INCENP: variants seen among roughly 807,000 people sequenced by gnomAD.
The protein encoded by INCENP is inner centromere protein, also known as binds and activates aurora-B and -C in vivo and in vitro.
Under a neutral mutation model 107.3 loss-of-function variants are expected in INCENP, and 43 were observed. That is an observed-to-expected ratio of 0.40 (90% CI 0.31 to 0.52). INCENP has a LOEUF of 0.52. Ranked by LOEUF, INCENP falls within the 20% of genes least tolerant of loss-of-function variation. INCENP has a pLI of 0.53. For synonymous variants in INCENP, 488 were observed against 494.4 expected, an observed-to-expected ratio of 0.99 and a Z score of 0.17; for missense variants, 1,089 against 1,250.9, an observed-to-expected ratio of 0.87 and a Z score of 1.95.
In INCENP at chr11:62,145,264, C is replaced by T. The variant is rs1352323112; in HGVS notation, c.1811C>T (p.Ala604Val). Residue 604 changes from alanine (A) to valine (V), a missense_variant, in exon 13 of 19, where the codon GCT becomes GTT. Transcript: ENST00000394818. Reference protein sequence around the residue: ...EKKKQIEQKFAQIDEKTEKAK... With the variant: ...EKKKQIEQKFVQIDEKTEKAK... Reference sequence around the variant, plus strand: ...AAGAAGCAGATTGAGCAGAAGTTTGCTCAGATCGACGAGAAGACTGAGAAG... The same window carrying T: ...AAGAAGCAGATTGAGCAGAAGTTTGTTCAGATCGACGAGAAGACTGAGAAG... 6.2e-7 allele frequency: 1 copy of T among 1,614,030 alleles called. No homozygotes were observed. Among genetic ancestry groups the T allele is most frequent in the Non-Finnish European group, 8.5e-7 (1 of 1,180,022 alleles).
chr11:62,145,533 C>T, intron 13 of INCENP, 96 bp from the exon 14 acceptor site: 1 of 1,447,284 alleles, frequency 6.9e-7, no homozygotes, highest in Non-Finnish European at 9.3e-7. Flanking sequence ...GCCAGGTGTG[C>T]AGGGGCAGGT....
chr11:62,132,040 T>C (rs1792939), intron 4 of INCENP, among the ~76,000 whole-genome samples: 80,412 of 152,046 alleles, frequency 0.53, 23,739 homozygotes, highest in Non-Finnish European at 0.68. Flanking sequence ...TCACCCGCCT[T>C]AGCCTCCCAA....
At chr11:62,138,648 G>A in intron 5 of INCENP, 65 bp from the exon 6 acceptor site, 1 of 1,498,496 alleles carries the variant, frequency 6.7e-7, no homozygotes, top group African/African-American at 1.4e-5. Context: ...ATGGTAGAGG[G>A]ACTCCCTAGG....
intron 14 of INCENP, 50 bp from the exon 15 acceptor site, chr11:62,146,608 C>G (rs1350139522): frequency 6.5e-7 from 1 of 1,546,034 alleles, no homozygotes; most frequent in Admixed American, 2.0e-5. Flanking sequence ...GCTGTCCTGC[C>G]TCTCTGGCCT....
At chr11:62,134,511 A>G (rs1051510964) in intron 4 of INCENP, among the ~76,000 whole-genome samples, 15 of 151,926 alleles carry the variant, frequency 9.9e-5, no homozygotes, top group African/African-American at 3.6e-4. Flanking sequence ...TAATATTTTT[A>G]TATGAATATT....
At chr11:62,145,131 C>T in intron 12 of INCENP, 38 bp from the exon 13 acceptor site, 1 of 1,614,062 alleles carries the variant, frequency 6.2e-7, no homozygotes, top group Non-Finnish European at 8.5e-7. Flanking sequence ...CCATCCCAGC[C>T]TTGGTGGGGC....
Position 62,146,788 on chromosome 11 carries a change from G to C in INCENP, c.2090G>C (p.Arg697Pro). ...GAGCAGGAGCGGCGGGAGCAGGAGC[G>C]GCGCGAGCAGGAGCGGCGCGAGCAG... Reference protein sequence around the residue: ...QREQERREQERREQERREQER... With the variant: ...QREQERREQEPREQERREQER... The change falls in exon 15 of 19, where the codon CGG becomes CCG. Residue 697 changes from arginine to proline, a missense_variant. Physicochemically the swap from Arg to Pro is moderately radical, Grantham distance 103. Transcript: ENST00000394818. 6.5e-7 allele frequency: 1 copy of C among 1,534,432 alleles called. No individual in the cohort carries two copies. The highest frequency in any genetic ancestry group is 1.2e-5 in the South Asian group (1 of 83,010).
In INCENP at chr11:62,151,955, C is replaced by T. The variant is rs1455992811; in HGVS notation, c.2736C>T (p.Ala912=). The T allele has an allele frequency of 4.3e-6, 7 of 1,611,020 alleles. No individual in the cohort carries two copies. Among genetic ancestry groups the T allele is most frequent in the Non-Finnish European group, 5.9e-6 (7 of 1,179,904 alleles). ...LQGARVPSSL[A]YSLKKH ...GCGCCAGGGTCCCCAGCAGCCTGGC[C>T]TACAGCCTGAAGAAGCACTGAGGCT... Residue 912 remains alanine, a synonymous_variant, in exon 19 of 19, where the codon GCC becomes GCT. Coordinates refer to ENST00000394818, the MANE Select transcript of INCENP (RefSeq NM_001040694.2).
chr11:62,137,793 C>G (rs1944024389), intron 4 of INCENP, 39 bp from the exon 5 acceptor site: 1 of 1,604,424 alleles, frequency 6.2e-7, no homozygotes, highest in Non-Finnish European at 8.5e-7. Context: ...CCTGTGTGGT[C>G]TCTGATGAGA....
chr11:62,141,377 G>C, intron 10 of INCENP, 123 bp from the exon 11 acceptor site: 1 of 1,250,648 alleles, frequency 8.0e-7, no homozygotes, highest in South Asian at 1.2e-5. Context: ...GGCGGTGGGG[G>C]TGCTGCTGGC....
intron 4 of INCENP, among the ~76,000 whole-genome samples, chr11:62,137,298 G>A (rs557188261): frequency 1.6e-4 from 25 of 152,182 alleles, no homozygotes; most frequent in African/African-American, 5.8e-4. Flanking sequence ...GCAAGACTCC[G>A]TCTCAAAAAA....
Position 62,146,672 on chromosome 11 carries a change from G to A in INCENP, c.1974G>A (p.Arg658=). The A allele has an allele frequency of 6.4e-7, 1 of 1,550,886 alleles. No homozygotes were observed. Among genetic ancestry groups the A allele is most frequent in the Non-Finnish European group, 8.7e-7 (1 of 1,146,864 alleles). Residue 658 remains arginine, a synonymous_variant, in exon 15 of 19, where the codon CGG becomes CGA. Transcript: ENST00000394818. ...CTCTGTTTCAGGAGGAGGAAGAGCG[G>A]CGGCACCAAGAGCTGCTGCAGAAGA... The part of the protein sequence containing the change: ...LRWLQQEEEE[R]RHQELLQKKK...
At chr11:62,147,998 G>A (rs930419075) in intron 15 of INCENP, among the ~76,000 whole-genome samples, 8 of 152,184 alleles carry the variant, frequency 5.3e-5, no homozygotes, top group African/African-American at 1.7e-4. Context: ...CACACAGGGG[G>A]AAACAGGTCC....
chr11:62,145,871 A>T, intron 14 of INCENP, 120 bp downstream of exon 14: 1 of 1,287,172 alleles, frequency 7.8e-7, no homozygotes, highest in African/African-American at 1.5e-5. Context: ...TTGTTGCTTC[A>T]TGCTAAGAAG....
chr11:62,151,375 A>T (rs1944368979), intron 18 of INCENP, among the ~76,000 whole-genome samples: 1 of 152,202 alleles, frequency 6.6e-6, no homozygotes. Context: ...GTGGTCAAGG[A>T]TGGCATCCTA....
chr11:62,137,592 C>T (rs1182594983), intron 4 of INCENP, among the ~76,000 whole-genome samples: 2 of 152,176 alleles, frequency 1.3e-5, no homozygotes, highest in African/African-American at 2.4e-5. Context: ...GGTGCCCAGC[C>T]GTGCTCTCAG....
At chr11:62,131,782 CTT>C (rs1163806068) in intron 4 of INCENP, among the ~76,000 whole-genome samples, 6 of 145,192 alleles carry the variant, frequency 4.1e-5, no homozygotes, top group South Asian at 2.2e-4. Flanking sequence ...CAGGATTTAT[CTT>C]TTTTTTTTTT....
chr11:62,140,083 A>T, intron 7 of INCENP, 151 bp from the exon 8 acceptor site: 1 of 660,366 alleles, frequency 1.5e-6, no homozygotes, highest in Non-Finnish European at 2.7e-6. Context: ...TAAGGCTGAT[A>T]TGTCTGCGTT....
intron 3 of INCENP, among the ~76,000 whole-genome samples, chr11:62,129,366 G>A (rs940637117): frequency 2.6e-5 from 4 of 152,152 alleles, no homozygotes; most frequent in African/African-American, 7.2e-5. Context: ...AGAGCAGTAC[G>A]GCTTTGAATT....
Sources: allele counts gnomAD v4.1 joint callset (sites outside exome capture counted in the v4.1 genomes callset), GRCh38; gene constraint gnomAD v4.1.1; transcripts MANE v1.5; gene names NCBI Gene and HGNC (gene_info 2026-07-23, HGNC 2026-07-21).